ZNF333: variants seen among roughly 807,000 people sequenced by gnomAD.
ZNF333 encodes zinc finger protein 333.
In ZNF333, 61 loss-of-function variants were observed where a neutral mutation model predicts 76.1. The ratio of observed to expected loss-of-function variants is 0.80; its 90% CI spans 0.65 to 0.99. The LOEUF (loss-of-function observed/expected upper bound fraction) is 0.99, where lower values mean the gene tolerates loss of function less well. Among genes scored for constraint, ZNF333 ranks in the 50% least tolerant of loss-of-function variants. ZNF333 has a pLI of 0.00. For missense variants in ZNF333, 717 were observed against 822.4 expected, an observed-to-expected ratio of 0.87 and a Z score of 1.57; for synonymous variants, 284 against 305.0, an observed-to-expected ratio of 0.93 and a Z score of 0.72.
At chr19:14,733,176 C>T (rs2732797) in exon 12 of ZNF333, 34,050 of 152,136 alleles carry the variant, frequency 0.22, 4,039 homozygotes, top group Non-Finnish European at 0.26. Context: ...CTTGAACCAG[C>T]CTTAGGCATG....
chr19:14,723,423 CAT>C (rs1433630710), downstream of ZNF333, among the ~76,000 whole-genome samples: 1 of 152,150 alleles, frequency 6.6e-6, no homozygotes, highest in African/African-American at 2.4e-5. Context: ...CTTGAGATTT[CAT>C]ATGAGTTTTA....
chr19:14,706,410 T>C, intron 6 of ZNF333: 1 of 454,348 alleles, frequency 2.2e-6, no homozygotes, highest in Non-Finnish European at 4.1e-6. Context: ...CCCACTTTTT[T>C]CCCAGCTTTT....
intron 11 of ZNF333, among the ~76,000 whole-genome samples, chr19:14,727,897 G>T (rs1352636559): frequency 1.3e-5 from 2 of 152,134 alleles, no homozygotes; most frequent in Non-Finnish European, 2.9e-5. Flanking sequence ...TCTTACCTTG[G>T]AATTCAGAGT....
rs746119977 is a variant in ZNF333 at position 14,699,296 on chromosome 19, G to A, written c.306+15G>A. 3 of 1,611,100 alleles carry A rather than the reference G, an allele frequency of 1.9e-6. No homozygotes were observed. The East Asian group carries it at 6.7e-5, about 36-fold the overall frequency. Reference sequence around the variant, plus strand: ...ACATGCAAATGGTAAGATGCACGGGGTTTTCCCCGGCTCCCAGCATGGGAG... The same window carrying A: ...ACATGCAAATGGTAAGATGCACGGGATTTTCCCCGGCTCCCAGCATGGGAG... On this transcript the variant is annotated intron_variant, in intron 5 of 11. Coordinates refer to ENST00000292530, the MANE Select transcript of ZNF333 (RefSeq NM_032433.4).
exon 12 of ZNF333, chr19:14,731,265 C>A: frequency 7.3e-7 from 1 of 1,379,092 alleles, no homozygotes. Flanking sequence ...CAAAGGATCA[C>A]TACTGGGGCT....
exon 12 of ZNF333, chr19:14,733,495 A>G (rs1568570030): frequency 1.3e-5 from 2 of 152,180 alleles, no homozygotes; most frequent in African/African-American, 4.8e-5. Flanking sequence ...GTGCACTAAA[A>G]TAGGGAAGCT....
chr19:14,719,280 G>C lies in ZNF333; in HGVS notation c.1953G>C (p.Leu651=), dbSNP rs1568559108. ...VGRETIRNGS[L]PLSMSHPYCG... is the part of the protein sequence containing the mutation. Reference sequence around the variant, plus strand: ...GAGAGACCATTAGGAATGGCAGCCTGCCTTTATCCATGTCTCATCCATACT... The same window carrying C: ...GAGAGACCATTAGGAATGGCAGCCTCCCTTTATCCATGTCTCATCCATACT... The change falls in exon 12 of 12, where the codon CTG becomes CTC. Residue 651 remains leucine, a synonymous_variant. Coordinates refer to ENST00000292530, the MANE Select transcript of ZNF333 (RefSeq NM_032433.4). The C allele has an allele frequency of 6.2e-7, 1 of 1,613,920 alleles. No individual in the cohort carries two copies. The highest frequency in any genetic ancestry group is 8.5e-7 in the Non-Finnish European group (1 of 1,179,964).
intron 11 of ZNF333, 79 bp from the exon 12 acceptor site, chr19:14,718,149 C>T: frequency 1.3e-6 from 2 of 1,517,430 alleles, no homozygotes; most frequent in Admixed American, 2.2e-5. Context: ...CTGTCTTTTT[C>T]TTACATTCAT....
rs1028689198 is a variant in ZNF333, at chr19:14,694,277, A to G, written c.4-733A>G. Among the ~76,000 whole-genome samples, 5 of 152,270 alleles carry G rather than the reference A, an allele frequency of 3.3e-5. No individual in the cohort carries two copies. In the East Asian group the frequency reaches 9.7e-4, roughly 29 times the overall value. ...CACTTGAGGCTGGGAGTTCAAGACC[A>G]GCCTGGCCAACATGGTGAAACTCTG... On this transcript the variant is annotated intron_variant, in intron 2 of 11. Coordinates refer to ENST00000292530, the MANE Select transcript of ZNF333 (RefSeq NM_032433.4).
chr19:14,701,659 G>C (rs1001268419), intron 5 of ZNF333: 17 of 985,266 alleles, frequency 1.7e-5, no homozygotes, highest in Non-Finnish European at 1.9e-5. Context: ...TGTTTCTGTG[G>C]GCTCTCTCCT....
intron 5 of ZNF333, chr19:14,701,793 G>A (rs897120242): frequency 5.9e-5 from 58 of 985,328 alleles, no homozygotes; most frequent in Admixed American, 1.2e-4. Flanking sequence ...GGAAACAGGC[G>A]GTCACAGACT....
chr19:14,717,294 G>A, intron 10 of ZNF333: 2 of 552,608 alleles, frequency 3.6e-6, no homozygotes, highest in Middle Eastern at 4.8e-4. Flanking sequence ...AGAAAGATCT[G>A]TCCTACTTTC....
chr19:14,698,822 A>G (rs1272463353), intron 4 of ZNF333, among the ~76,000 whole-genome samples: 2 of 150,104 alleles, frequency 1.3e-5, no homozygotes, highest in Non-Finnish European at 3.0e-5. Context: ...CCTGGGCGAA[A>G]GAGCAAGACT....
intron 5 of ZNF333, chr19:14,701,900 G>T (rs2041967904): frequency 1.0e-6 from 1 of 985,508 alleles, no homozygotes; most frequent in Non-Finnish European, 1.2e-6. Flanking sequence ...TAGTAGAGGT[G>T]GGTTTGGAGC....
intron 11 of ZNF333, among the ~76,000 whole-genome samples, chr19:14,730,485 T>C (rs1169907708): frequency 2.6e-5 from 4 of 151,720 alleles, no homozygotes; most frequent in African/African-American, 9.8e-5. Context: ...TTCTTTTTCT[T>C]TCTTTGCTTT....
At chr19:14,713,087 C>G (rs1244850914) in intron 7 of ZNF333, among the ~76,000 whole-genome samples, 1 of 152,178 alleles carries the variant, frequency 6.6e-6, no homozygotes, top group Non-Finnish European at 1.5e-5. Flanking sequence ...CTCTTCATGT[C>G]AGTCATCTAC....
chr19:14,731,110 C>G, intron 11 of ZNF333: 5 of 1,391,654 alleles, frequency 3.6e-6, no homozygotes, highest in African/African-American at 1.4e-5. Flanking sequence ...CAAGGATTGG[C>G]CCCTTTATTC....
downstream of ZNF333, among the ~76,000 whole-genome samples, chr19:14,726,278 C>CTT (rs2147041426): frequency 6.6e-6 from 1 of 152,274 alleles, no homozygotes; most frequent in African/African-American, 2.4e-5. Flanking sequence ...CCCGCTAAAT[C>CTT]ATTCTTTTCT....
At chr19:14,699,343 G>A (rs1211868285) in intron 5 of ZNF333, 62 bp downstream of exon 5, 1 of 1,411,930 alleles carries the variant, frequency 7.1e-7, no homozygotes, top group Non-Finnish European at 1.0e-6. Flanking sequence ...CACGTGAGGT[G>A]GAAATACAGG....
Sources: gnomAD v4.1 joint callset for allele counts (sites outside exome capture counted in the v4.1 genomes callset) on GRCh38, gnomAD v4.1.1 for gene constraint, MANE v1.5 for transcripts, NCBI Gene and HGNC (gene_info 2026-07-23, HGNC 2026-07-21) for gene names.